Variants in CELA1 observed in about 807,000 individuals in gnomAD.
CELA1 encodes chymotrypsin-like elastase family member 1.
Under a neutral mutation model 34.8 loss-of-function variants are expected in CELA1, and 28 were observed. The ratio of observed to expected loss-of-function variants is 0.80; its 90% CI spans 0.60 to 1.10. The LOEUF (loss-of-function observed/expected upper bound fraction) is 1.10, where lower values mean the gene tolerates loss of function less well. Among genes scored for constraint, CELA1 ranks in the 50% least tolerant of loss-of-function variants. The pLI, the probability that CELA1 is intolerant of heterozygous loss-of-function variation, is 0.00. For synonymous variants in CELA1, 140 were observed against 129.8 expected (o/e 1.08, Z -0.53); for missense variants, 288 against 327.5 (o/e 0.88, Z 0.93).
intron 6 of CELA1, among the ~76,000 whole-genome samples, chr12:51,334,527 C>T (rs997321451): frequency 1.3e-5 from 2 of 152,092 alleles, no homozygotes; most frequent in African/African-American, 4.8e-5. Flanking sequence ...TCCACCTCCC[C>T]GGTTCACACC....
At chr12:51,338,020 C>G (rs1946510487) in intron 6 of CELA1, among the ~76,000 whole-genome samples, 1 of 151,246 alleles carries the variant, frequency 6.6e-6, no homozygotes, top group African/African-American at 2.4e-5. Flanking sequence ...GGTCAGGAGT[C>G]CGAGACCAGC....
intron 6 of CELA1, among the ~76,000 whole-genome samples, chr12:51,336,827 C>G (rs1306256200): frequency 1.3e-5 from 2 of 152,204 alleles, no homozygotes; most frequent in Non-Finnish European, 2.9e-5. Context: ...TCCTCCTTCC[C>G]TCCTCCGGTT....
At chr12:51,343,907 G>T in intron 2 of CELA1, 54 bp from the exon 3 acceptor site, 2 of 1,021,582 alleles carry the variant, frequency 2.0e-6, no homozygotes, top group Non-Finnish European at 3.0e-6. Context: ...AAATGGTTTT[G>T]CCCCAGGTCG....
chr12:51,340,196 G>C (rs1946525543), intron 5 of CELA1, among the ~76,000 whole-genome samples, 191 bp from the exon 6 acceptor site: 2 of 152,092 alleles, frequency 1.3e-5, no homozygotes, highest in African/African-American at 4.8e-5. Flanking sequence ...TTCCCTCAGG[G>C]AGGCAGCCTT....
Position 51,329,748 on chromosome 12 carries a change from C to T in CELA1, c.695G>A (p.Cys232Tyr), listed in dbSNP as rs1946457857. 6.2e-7 allele frequency: 1 copy of T among 1,614,046 alleles called. No homozygotes were observed. The highest frequency in any genetic ancestry group is 8.5e-7 in the Non-Finnish European group (1 of 1,179,974). Residue 232 changes from cysteine (C) to tyrosine (Y), a missense_variant, in exon 7 of 8, where the codon TGT becomes TAT. Cys to Tyr is a radical substitution (Grantham distance 194). Transcript: ENST00000293636. ...GACTGTAGGCTTCCTGGAGACATTA[C>T]AGCCCCGGCTGGACACAAAGCTGGT... ...GVTSFVSSRG[C>Y]NVSRKPTVFT...
At chr12:51,331,749 C>T (rs1312196172) in intron 6 of CELA1, among the ~76,000 whole-genome samples, 1 of 152,136 alleles carries the variant, frequency 6.6e-6, no homozygotes, top group East Asian at 1.9e-4. Context: ...TCCACATAGA[C>T]CACTAGGTCA....
In CELA1 at chr12:51,345,838, A is replaced by T; in HGVS notation, c.56T>A (p.Val19Glu). 1 of 1,559,862 alleles carries T rather than the reference A, an allele frequency of 6.4e-7. No homozygotes were observed. Among genetic ancestry groups the T allele is most frequent in the South Asian group, 1.2e-5 (1 of 84,592 alleles). The change falls in exon 2 of 8, where the codon GTA becomes GAA. Residue 19 changes from valine to glutamate, a missense_variant. Coordinates refer to ENST00000293636, the MANE Select transcript of CELA1 (RefSeq NM_001971.6). ...CCTCCCGGCCTCAGTCCCTCCGACT[A>T]CGCGGGCATTGGTTTCCGGAAGGTC... ...TQDLPETNAR[V>E]VGGTEAGRNS...
intron 6 of CELA1, among the ~76,000 whole-genome samples, chr12:51,335,503 C>T (rs1364700434): frequency 6.6e-6 from 1 of 151,984 alleles, no homozygotes; most frequent in Non-Finnish European, 1.5e-5. Context: ...ATCTGCCCGC[C>T]ATAGCCTCCC....
At chr12:51,345,713 AT>A (rs1384658452) in intron 2 of CELA1, 81 bp downstream of exon 2, 1 of 969,148 alleles carries the variant, frequency 1.0e-6, no homozygotes. Context: ...TGATAGGGAC[AT>A]GCACAAATAC....
chr12:51,337,352 T>C (rs886536341), intron 6 of CELA1, among the ~76,000 whole-genome samples: 1 of 151,978 alleles, frequency 6.6e-6, no homozygotes, highest in Non-Finnish European at 1.5e-5. Flanking sequence ...CTGGGCATCA[T>C]AGTGAAACCT....
intron 6 of CELA1, among the ~76,000 whole-genome samples, chr12:51,335,527 T>C (rs1167471097): frequency 6.6e-6 from 1 of 151,736 alleles, no homozygotes; most frequent in Non-Finnish European, 1.5e-5. Flanking sequence ...GCACTGATAT[T>C]ACAGGCGGGA....
chr12:51,346,203 C>T (rs17860286), intron 1 of CELA1, among the ~76,000 whole-genome samples: 1 of 149,116 alleles, frequency 6.7e-6, no homozygotes, highest in African/African-American at 2.5e-5. Context: ...GACCCCCCCC[C>T]ACTCTTTGAC....
chr12:51,332,158 C>G (rs1252721361), intron 6 of CELA1, among the ~76,000 whole-genome samples: 1 of 149,106 alleles, frequency 6.7e-6, no homozygotes, highest in Non-Finnish European at 1.5e-5. Context: ...GCACTCCAGC[C>G]TGGGTGACAG....
intron 6 of CELA1, among the ~76,000 whole-genome samples, chr12:51,339,506 G>A (rs12309916): frequency 0.059 from 8,911 of 152,030 alleles, 756 homozygotes; most frequent in East Asian, 0.3. Context: ...AGCCGAGATC[G>A]TCCCATTGCA....
At chr12:51,336,775 C>A (rs958951467) in intron 6 of CELA1, among the ~76,000 whole-genome samples, 2 of 152,216 alleles carry the variant, frequency 1.3e-5, no homozygotes, top group East Asian at 3.8e-4. Context: ...GTGCCCTCCC[C>A]CAAATCACTT....
intron 2 of CELA1, 97 bp from the exon 3 acceptor site, chr12:51,343,950 T>C (rs752997693): frequency 1.4e-6 from 1 of 695,038 alleles, no homozygotes; most frequent in Non-Finnish European, 2.6e-6. Flanking sequence ...ATCCCAGAAC[T>C]TTGGAAGGCT....
intron 6 of CELA1, among the ~76,000 whole-genome samples, chr12:51,335,406 G>A (rs1475299725): frequency 3.3e-5 from 5 of 151,896 alleles, no homozygotes; most frequent in Middle Eastern, 3.2e-3. Context: ...ACAGGCACGC[G>A]CCACCATGCC....
At chr12:51,341,851 T>G (rs567085542) in intron 4 of CELA1, among the ~76,000 whole-genome samples, 1 of 152,258 alleles carries the variant, frequency 6.6e-6, no homozygotes, top group Non-Finnish European at 1.5e-5. Flanking sequence ...TTTTCCCGTG[T>G]AAGATTCACT....
chr12:51,341,426 C>T, intron 4 of CELA1, 46 bp from the exon 5 acceptor site: 2 of 1,610,210 alleles, frequency 1.2e-6, no homozygotes, highest in Non-Finnish European at 1.7e-6. Context: ...CAGCTCTTCC[C>T]TGAGGTCAGC....
Sources: gnomAD v4.1 joint callset for allele counts (sites outside exome capture counted in the v4.1 genomes callset) on GRCh38, gnomAD v4.1.1 for gene constraint, MANE v1.5 for transcripts, NCBI Gene and HGNC (gene_info 2026-07-23, HGNC 2026-07-21) for gene names.